NBAS: variants seen among roughly 807,000 people sequenced by gnomAD.
NBAS encodes the protein NBAS subunit of NRZ tethering complex.
Under a neutral mutation model 302.5 loss-of-function variants are expected in NBAS, and 219 were observed. That is an observed-to-expected ratio of 0.72 (90% CI 0.65 to 0.81). The LOEUF (loss-of-function observed/expected upper bound fraction) is 0.81, where lower values mean the gene tolerates loss of function less well. Among genes scored for constraint, NBAS ranks in the 30% least tolerant of loss-of-function variants. The pLI is 0.00. For synonymous variants in NBAS, 1,118 were observed against 1,021.6 expected (o/e 1.09, Z -1.80); for missense variants, 2,932 against 2,841.6 (o/e 1.03, Z -0.72).
At chr2:14,958,904 T>C in the NBAS span, among the ~76,000 whole-genome samples, 1 of 152,056 alleles carries the variant, frequency 6.6e-6, no homozygotes, top group Non-Finnish European at 1.5e-5. Flanking sequence ...AAGTAAATCC[T>C]GAGGATTATA....
At chr2:15,517,562 T>C (rs1662460117) in intron 9 of NBAS, among the ~76,000 whole-genome samples, 1 of 152,174 alleles carries the variant, frequency 6.6e-6, no homozygotes, top group South Asian at 2.1e-4. Context: ...TAAACATACA[T>C]CTTAGGTCAA....
the NBAS span, among the ~76,000 whole-genome samples, chr2:14,855,188 C>A: frequency 1.3e-4 from 19 of 151,814 alleles, no homozygotes; most frequent in African/African-American, 4.6e-4. Context: ...GAACCCACTG[C>A]CTTGAAGGAA....
the NBAS span, among the ~76,000 whole-genome samples, chr2:14,985,031 T>C: frequency 6.6e-6 from 1 of 152,140 alleles, no homozygotes; most frequent in Non-Finnish European, 1.5e-5. Flanking sequence ...TTCGTGAAAT[T>C]ATCATAAATA....
the NBAS span, among the ~76,000 whole-genome samples, chr2:15,071,777 G>C: frequency 6.6e-6 from 1 of 152,052 alleles, no homozygotes; most frequent in African/African-American, 2.4e-5. Context: ...GGGTGGTTAA[G>C]GGACTCATGT....
At chr2:15,403,533 A>G (rs779664197) in intron 25 of NBAS, among the ~76,000 whole-genome samples, 2 of 152,194 alleles carry the variant, frequency 1.3e-5, no homozygotes, top group Non-Finnish European at 2.9e-5. Flanking sequence ...ACATTGTATT[A>G]GGTATTATAT....
chr2:15,179,135 G>A lies in NBAS; in HGVS notation c.6712-19C>T. On this transcript the variant is annotated intron_variant, in intron 50 of 51. Transcript: ENST00000281513. ...TCACACCCTGAAACCACAGAGCAGG[G>A]GTGAGCGAGAACTCCACGACGTACT... 1 of 1,613,816 alleles carries A rather than the reference G, an allele frequency of 6.2e-7. No homozygotes were observed. Among genetic ancestry groups the A allele is most frequent in the Non-Finnish European group, 8.5e-7 (1 of 1,179,914 alleles).
rs576583813 is a variant in NBAS, at chr2:15,260,763, G to A, written c.5724+14721C>T. On this transcript the variant is annotated intron_variant, in intron 44 of 51. Transcript: ENST00000281513. ...GACACAGTAGCTTTCAAACTTTTTT[G>A]CCCAAGACCAACAGTAAGAAACAAT... is the stretch of plus-strand genomic sequence containing the variant. Among the ~76,000 whole-genome samples the A allele has an allele frequency of 2.0e-4, 30 of 152,174 alleles. No individual in the cohort carries two copies. In the South Asian group the frequency reaches 6.2e-3, roughly 32 times the overall value.
At chr2:15,184,853 T>TTACA (rs1326474048) in intron 50 of NBAS, among the ~76,000 whole-genome samples, 1 of 152,158 alleles carries the variant, frequency 6.6e-6, no homozygotes, top group African/African-American at 2.4e-5. Flanking sequence ...CTTGCAAAAG[T>TTACA]TACAGTAAAA....
intron 9 of NBAS, among the ~76,000 whole-genome samples, chr2:15,529,347 GC>G (rs1336863603): frequency 6.6e-6 from 1 of 151,976 alleles, no homozygotes; most frequent in Non-Finnish European, 1.5e-5. Flanking sequence ...AAAATCAACA[GC>G]CAAGTGTGGT....
the NBAS span, among the ~76,000 whole-genome samples, chr2:14,958,373 T>C: frequency 6.6e-6 from 1 of 152,088 alleles, no homozygotes; most frequent in Admixed American, 6.5e-5. Context: ...CCTTTGACAT[T>C]TGACAACTCA....
the NBAS span, among the ~76,000 whole-genome samples, chr2:15,150,403 T>C: frequency 6.6e-6 from 1 of 152,196 alleles, no homozygotes; most frequent in South Asian, 2.1e-4. Flanking sequence ...ACTCTTAAGA[T>C]ATGCAATTTG....
At chr2:15,162,335 C>T (rs1406858994), downstream of NBAS, among the ~76,000 whole-genome samples, 1 of 152,180 alleles carries the variant, frequency 6.6e-6, no homozygotes, top group Non-Finnish European at 1.5e-5. Context: ...CTTCAGAACC[C>T]CCCTAGGTCA....
At chr2:15,424,603 CTA>C in intron 22 of NBAS, 135 bp from the exon 23 acceptor site, 1 of 943,550 alleles carries the variant, frequency 1.1e-6, no homozygotes, top group Non-Finnish European at 1.7e-6. Flanking sequence ...GTTTGTGTAT[CTA>C]TCACATGCAC....
chr2:14,968,152 C>T, the NBAS span, among the ~76,000 whole-genome samples: 3 of 152,194 alleles, frequency 2.0e-5, no homozygotes, highest in African/African-American at 7.2e-5. Flanking sequence ...CCTCTTGATG[C>T]ATGTGTGGTG....
chr2:14,810,807 A>G, the NBAS span, among the ~76,000 whole-genome samples: 1 of 152,252 alleles, frequency 6.6e-6, no homozygotes, highest in Non-Finnish European at 1.5e-5. Flanking sequence ...TCTATTAGCA[A>G]TTTAACAAAG....
chr2:15,395,432 G>C (rs1156285697), intron 27 of NBAS, among the ~76,000 whole-genome samples: 1 of 152,026 alleles, frequency 6.6e-6, no homozygotes, highest in African/African-American at 2.4e-5. Flanking sequence ...AGGAAAAGCT[G>C]ATTTTGTAAA....
rs1664050842 is a variant in NBAS, at chr2:15,167,051, C to T, written c.7113G>A (p.Val2371=). ...STALRAAQHW[V] is the part of the protein sequence containing the mutation. ...GGAGCAGGGCCACAGGTGGCCCTCACACCCAGTGCTGTGCTGCGCGGAGGG... is the reference window on the plus strand; with the variant it reads ...GGAGCAGGGCCACAGGTGGCCCTCATACCCAGTGCTGTGCTGCGCGGAGGG... Residue 2371 remains valine, a synonymous_variant, in exon 52 of 52, where the codon GTG becomes GTA. Coordinates refer to ENST00000281513, the MANE Select transcript of NBAS (RefSeq NM_015909.4). 1.3e-6 allele frequency: 2 copies of T among 1,555,918 alleles called. No individual in the cohort carries two copies. The highest frequency in any genetic ancestry group is 2.3e-5 in the East Asian group (1 of 44,182).
At chr2:14,912,556 G>C in the NBAS span, among the ~76,000 whole-genome samples, 3 of 152,258 alleles carry the variant, frequency 2.0e-5, no homozygotes, top group Non-Finnish European at 2.9e-5. Context: ...AGGAAGTTGA[G>C]CACAAATGTG....
the NBAS span, among the ~76,000 whole-genome samples, chr2:15,131,484 C>T: frequency 1.3e-5 from 2 of 152,144 alleles, no homozygotes; most frequent in Admixed American, 6.5e-5. Context: ...ATGTTGTATG[C>T]TTCTCAATCT....
Sources: gnomAD v4.1 joint callset for allele counts (sites outside exome capture counted in the v4.1 genomes callset) on GRCh38, gnomAD v4.1.1 for gene constraint, MANE v1.5 for transcripts, NCBI Gene and HGNC (gene_info 2026-07-23, HGNC 2026-07-21) for gene names.